RAP1GAP2: variants seen among roughly 807,000 people sequenced by gnomAD.
RAP1GAP2 encodes the protein rap1 GTPase-activating protein 2.
A neutral mutation model predicts 95.0 loss-of-function variants in RAP1GAP2; 27 were observed. That is an observed-to-expected ratio of 0.28 (90% CI 0.21 to 0.39). The LOEUF is 0.39. Ranked by LOEUF, RAP1GAP2 falls within the 10% of genes least tolerant of loss-of-function variation. RAP1GAP2 has a pLI of 1.00. For synonymous variants in RAP1GAP2, 373 were observed against 380.9 expected (o/e 0.98, Z 0.24); for missense variants, 771 against 970.0 (o/e 0.79, Z 2.72).
intron 3 of RAP1GAP2, among the ~76,000 whole-genome samples, chr17:2,942,343 A>G (rs2043529181): frequency 6.6e-6 from 1 of 152,172 alleles, no homozygotes; most frequent in Admixed American, 6.5e-5. Context: ...CAGCTCAGGA[A>G]CATTCAGTGG....
At chr17:2,950,120 C>G (rs533741452) in intron 3 of RAP1GAP2, among the ~76,000 whole-genome samples, 47 of 150,154 alleles carry the variant, frequency 3.1e-4, no homozygotes, top group African/African-American at 9.6e-4. Flanking sequence ...GTGGCACAAT[C>G]TTGCCTCACT....
intron 2 of RAP1GAP2, among the ~76,000 whole-genome samples, chr17:2,828,661 G>GC (rs2070696733): frequency 1.3e-5 from 2 of 152,176 alleles, no homozygotes; most frequent in African/African-American, 2.4e-5. Context: ...AGCAGGTGGG[G>GC]CCGCGGGTTC....
At chr17:2,980,858 TG>T (rs1156546607) in intron 9 of RAP1GAP2, among the ~76,000 whole-genome samples, 1 of 152,180 alleles carries the variant, frequency 6.6e-6, no homozygotes, top group Non-Finnish European at 1.5e-5. Context: ...TCAGCTGGGT[TG>T]GTTGGACCCT....
intron 8 of RAP1GAP2, among the ~76,000 whole-genome samples, chr17:2,969,521 A>G (rs1439231958): frequency 4.2e-5 from 1 of 23,544 alleles, no homozygotes; most frequent in South Asian, 1.1e-3. Context: ...TTTTTTTTTG[A>G]GATGGAGTCT....
intron 3 of RAP1GAP2, among the ~76,000 whole-genome samples, chr17:2,932,644 C>T (rs192310108): frequency 3.8e-3 from 562 of 148,612 alleles, no homozygotes; most frequent in Non-Finnish European, 6.0e-3. Context: ...GGTGAAACCC[C>T]GTCTCTACTA....
upstream of RAP1GAP2, among the ~76,000 whole-genome samples, chr17:2,775,599 C>G (rs542502073): frequency 2.0e-5 from 3 of 152,278 alleles, no homozygotes; most frequent in African/African-American, 4.8e-5. Context: ...TCATGATCCA[C>G]AGGGTCAGGA....
chr17:2,977,419 G>A (rs2045169282), intron 8 of RAP1GAP2, among the ~76,000 whole-genome samples: 1 of 152,152 alleles, frequency 6.6e-6, no homozygotes, highest in Non-Finnish European at 1.5e-5. Flanking sequence ...AACCTTTAAG[G>A]AATGAGAAAA....
rs1324380691 is a variant in RAP1GAP2 at position 2,808,120 on chromosome 17, G to A, written c.80+7570G>A. Among the ~76,000 whole-genome samples, 5 of 152,092 alleles carry A rather than the reference G, an allele frequency of 3.3e-5. No homozygotes were observed. The East Asian group carries it at 9.7e-4, about 29-fold the overall frequency. On this transcript the variant is annotated intron_variant, in intron 2 of 24. Transcript: ENST00000254695. ...TTTTTCCTTTCGCCCAGTAAATCCC[G>A]TTGTTCTCACCCTTCTGTCGTGTCC...
intron 2 of RAP1GAP2, among the ~76,000 whole-genome samples, chr17:2,810,563 CT>C (rs1455121198): frequency 8.0e-6 from 1 of 125,382 alleles, no homozygotes; most frequent in Admixed American, 9.6e-5. Flanking sequence ...CGGAGTCTCG[CT>C]CTGTCACCCA....
upstream of RAP1GAP2, among the ~76,000 whole-genome samples, chr17:2,794,341 G>A (rs2151468499): frequency 6.6e-6 from 1 of 152,290 alleles, no homozygotes; most frequent in South Asian, 2.1e-4. Context: ...TGGATTGAGT[G>A]CAGAGGGTTC....
intron 11 of RAP1GAP2, among the ~76,000 whole-genome samples, chr17:2,987,887 C>T (rs549492799): frequency 7.2e-5 from 11 of 152,268 alleles, no homozygotes; most frequent in African/African-American, 2.4e-4. Context: ...ATTGGGTAGG[C>T]TAGAGTGTCT....
chr17:2,856,748 C>A (rs1352492675), intron 2 of RAP1GAP2, among the ~76,000 whole-genome samples: 1 of 152,216 alleles, frequency 6.6e-6, no homozygotes, highest in African/African-American at 2.4e-5. Context: ...TTCCTGAGTG[C>A]ACTGTGCTCT....
intron 2 of RAP1GAP2, among the ~76,000 whole-genome samples, chr17:2,874,190 A>G (rs1163159176): frequency 6.6e-6 from 1 of 152,242 alleles, no homozygotes; most frequent in African/African-American, 2.4e-5. Flanking sequence ...TGCAGATTAA[A>G]TAAGAGGCAT....
Position 2,857,951 on chromosome 17 carries a change from G to A in RAP1GAP2, c.81-47333G>A, listed in dbSNP as rs1052494870. 6.6e-6 allele frequency among the ~76,000 whole-genome samples: 1 copy of A among 152,142 alleles called. No individual in the cohort carries two copies. The highest frequency in any genetic ancestry group is 2.1e-4 in the South Asian group (1 of 4,828). ...CCCATCTCTACTAAAAATGCAAAAA[G>A]TAGCTGGGTGTGGTGGCGTGCACCT... On this transcript the variant is annotated intron_variant, in intron 2 of 24. Coordinates refer to ENST00000254695, the MANE Select transcript of RAP1GAP2 (RefSeq NM_015085.5). This position sits in a 1 kb window ranked among gnomAD's most constrained non-coding sequence, Gnocchi z 4.0.
intron 3 of RAP1GAP2, among the ~76,000 whole-genome samples, chr17:2,915,495 A>G (rs923155656): frequency 6.6e-6 from 1 of 152,188 alleles, no homozygotes; most frequent in Non-Finnish European, 1.5e-5. Flanking sequence ...TTGGCTTTCC[A>G]AAGTGCTGGT....
intron 2 of RAP1GAP2, among the ~76,000 whole-genome samples, chr17:2,879,323 C>T (rs549225422): frequency 6.7e-6 from 1 of 148,496 alleles, no homozygotes; most frequent in South Asian, 2.4e-4. Flanking sequence ...ACCATGTTGG[C>T]CAGGCTGGTT....
chr17:2,881,325 A>G (rs1412555588), intron 2 of RAP1GAP2, among the ~76,000 whole-genome samples: 1 of 152,104 alleles, frequency 6.6e-6, no homozygotes. Flanking sequence ...TGGCACTGAA[A>G]AAGTTTAGGA....
At chr17:2,975,234 AAAAAG>A (rs1324288878) in intron 8 of RAP1GAP2, among the ~76,000 whole-genome samples, 7 of 102,980 alleles carry the variant, frequency 6.8e-5, no homozygotes, top group East Asian at 9.4e-4. Context: ...GCGTCTCAAA[AAAAAG>A]AAAAAGAAAA....
chr17:2,770,561 C>T (rs927992554), intron 2 of RAP1GAP2: 3 of 397,142 alleles, frequency 7.6e-6, no homozygotes, highest in Admixed American at 4.4e-5. Context: ...GGGAACTTTG[C>T]CCTCAGTGAT....
Sources: gnomAD v4.1 joint callset for allele counts (sites outside exome capture counted in the v4.1 genomes callset) on GRCh38, gnomAD v4.1.1 for gene constraint, Gnocchi (gnomAD v3.1) non-coding constraint, MANE v1.5 for transcripts, NCBI Gene and HGNC (gene_info 2026-07-23, HGNC 2026-07-21) for gene names.